Variants in ATG7 observed in about 807,000 individuals in gnomAD.
ATG7 encodes the protein ubiquitin-like modifier-activating enzyme ATG7.
In ATG7, 70 loss-of-function variants were observed where a neutral mutation model predicts 82.4. The observed-to-expected ratio is 0.85, with a 90% CI of 0.70 to 1.04. The LOEUF (loss-of-function observed/expected upper bound fraction) is 1.04, where lower values mean the gene tolerates loss of function less well. ATG7 is among the 50% of genes least tolerant of loss of function. The probability of loss-of-function intolerance (pLI) is 0.00; values close to 1 mark genes in which losing one functional copy is unlikely to be tolerated. For missense variants in ATG7, 792 were observed against 864.3 expected, an observed-to-expected ratio of 0.92 and a Z score of 1.05; for synonymous variants, 287 against 313.0, an observed-to-expected ratio of 0.92 and a Z score of 0.88.
intron 14 of ATG7, 40 bp from the exon 15 acceptor site, chr3:11,358,378 C>A (rs2076070047): frequency 1.3e-6 from 2 of 1,578,502 alleles, no homozygotes; most frequent in African/African-American, 2.7e-5. Context: ...ATTACCTATA[C>A]CATTGCTCCA....
At chr3:11,558,878 A>G (rs1373118685), downstream of ATG7, 5 of 1,591,480 alleles carry the variant, frequency 3.1e-6, no homozygotes, top group South Asian at 4.5e-5. Context: ...CTGCAGACAG[A>G]CAGGCACGGT....
chr3:11,403,252 G>C lies in ATG7; in HGVS notation c.1956+23200G>C, dbSNP rs116316383. 8.1e-3 allele frequency among the ~76,000 whole-genome samples: 1,226 copies of C among 152,230 alleles called. 8 individuals carry two copies. Among genetic ancestry groups the C allele is most frequent in the South Asian group, 0.024 (114 of 4,828 alleles). On this transcript the variant is annotated intron_variant, in intron 19 of 20. Transcript: ENST00000693202. ...TCAATCTGAGGAAGTCTTGACAAGA[G>C]TCTTTTGGAGTGCGGAGAGGAAGTC...
At chr3:11,522,380 C>G (rs926058792) in intron 20 of ATG7, among the ~76,000 whole-genome samples, 3 of 152,086 alleles carry the variant, frequency 2.0e-5, no homozygotes, top group African/African-American at 7.2e-5. Flanking sequence ...TTTCTGCTAA[C>G]TATAGGTGGG....
Position 11,410,339 on chromosome 3 carries a change from T to A in ATG7, c.1957-16465T>A, listed in dbSNP as rs1004666506. 1.5e-4 allele frequency among the ~76,000 whole-genome samples: 23 copies of A among 152,244 alleles called. No individual in the cohort carries two copies. In the Middle Eastern group the frequency reaches 0.01, roughly 68 times the overall value. On this transcript the variant is annotated intron_variant, in intron 19 of 20. Coordinates refer to ENST00000693202, the MANE Select transcript of ATG7 (RefSeq NM_001349232.2). The stretch of plus-strand genomic sequence containing the variant: ...ATGTGAATGATATTGTATTTTTTTT[T>A]AAATTAAAATTTGATAGTATTTGAA...
intron 19 of ATG7, among the ~76,000 whole-genome samples, chr3:11,406,831 T>C (rs889707371): frequency 6.6e-6 from 1 of 152,092 alleles, no homozygotes; most frequent in Non-Finnish European, 1.5e-5. Context: ...CCCACCCCCA[T>C]GATTCAATCA....
At chr3:11,528,778 A>G (rs1249171936) in intron 20 of ATG7, among the ~76,000 whole-genome samples, 1 of 144,072 alleles carries the variant, frequency 6.9e-6, no homozygotes, top group African/African-American at 2.5e-5. Flanking sequence ...GTGAGCCGAG[A>G]TGGTGCCATT....
intron 20 of ATG7, among the ~76,000 whole-genome samples, chr3:11,445,447 C>T (rs1484187602): frequency 6.6e-6 from 1 of 152,136 alleles, no homozygotes; most frequent in African/African-American, 2.4e-5. Context: ...AACCTAATAC[C>T]ATATGTTATC....
At chr3:11,415,228 G>A (rs1267367465) in intron 19 of ATG7, among the ~76,000 whole-genome samples, 2 of 152,100 alleles carry the variant, frequency 1.3e-5, no homozygotes, top group Non-Finnish European at 2.9e-5. Context: ...TTTTAAAATG[G>A]TACACCTGTG....
chr3:11,420,211 A>C, intron 19 of ATG7, among the ~76,000 whole-genome samples: 1 of 152,230 alleles, frequency 6.6e-6, no homozygotes, highest in Middle Eastern at 3.2e-3. Flanking sequence ...CACAGCACAT[A>C]AAAAGAATAC....
intron 20 of ATG7, among the ~76,000 whole-genome samples, chr3:11,453,632 A>T (rs902983849): frequency 6.6e-6 from 1 of 152,200 alleles, no homozygotes; most frequent in African/African-American, 2.4e-5. Flanking sequence ...CTCTCTTATG[A>T]GTCATCCTTC....
intron 19 of ATG7, among the ~76,000 whole-genome samples, chr3:11,410,151 G>A (rs2080759204): frequency 6.6e-6 from 1 of 152,080 alleles, no homozygotes; most frequent in Non-Finnish European, 1.5e-5. Context: ...AGGTCAAATT[G>A]GGAAAAACTT....
rs540443003 is a variant in ATG7 at position 11,284,962 on chromosome 3, T to G, written c.-11+2524T>G. ...CCCGGGTTCACGCCATTCTCCTGCC[T>G]CAGCCTCCCAAGTAGTTGGGACTAT... On this transcript the variant is annotated intron_variant, in intron 3 of 20. Transcript: ENST00000693202. Among the ~76,000 whole-genome samples, 758 of 151,308 alleles carry G rather than the reference T, an allele frequency of 5.0e-3. 5 individuals are homozygous for G. The highest frequency in any genetic ancestry group is 0.017 in the African/African-American group (700 of 41,210).
intron 20 of ATG7, among the ~76,000 whole-genome samples, chr3:11,480,533 C>A (rs1425371825): frequency 6.6e-6 from 1 of 151,996 alleles, no homozygotes; most frequent in East Asian, 1.9e-4. Flanking sequence ...ACATGACTGC[C>A]CTCCAGCCTG....
rs554356896 is a variant in ATG7, at chr3:11,513,681, A to G, written c.2080-41130A>G. On this transcript the variant is annotated intron_variant, in intron 20 of 20. Transcript: ENST00000693202. ...AGCTCCAACCTTGGCCAGCCCAGAAAGGGGCTCCCACAGTGCAGCAGTGGG... is the reference window on the plus strand; with the variant it reads ...AGCTCCAACCTTGGCCAGCCCAGAAGGGGGCTCCCACAGTGCAGCAGTGGG... Among the ~76,000 whole-genome samples the G allele has an allele frequency of 4.8e-4, 73 of 152,322 alleles. 1 individual carries two copies. Among genetic ancestry groups the G allele is most frequent in the East Asian group, 3.9e-4 (2 of 5,168 alleles).
the ATG7 span, chr3:11,564,757 C>T: frequency 6.5e-7 from 1 of 1,529,398 alleles, no homozygotes; most frequent in Non-Finnish European, 8.7e-7. Context: ...GTCCCCCAGC[C>T]CCTGGACTCC....
intron 16 of ATG7, among the ~76,000 whole-genome samples, 195 bp downstream of exon 16, chr3:11,360,979 G>A (rs770327942): frequency 4.6e-5 from 7 of 152,104 alleles, no homozygotes; most frequent in Admixed American, 2.0e-4. Flanking sequence ...CCTGTTCCTT[G>A]TTCACCAATA....
chr3:11,472,857 C>T (rs933481454), intron 20 of ATG7, among the ~76,000 whole-genome samples: 1 of 152,176 alleles, frequency 6.6e-6, no homozygotes, highest in African/African-American at 2.4e-5. Flanking sequence ...CACCGTTTTT[C>T]ATGAAATCTT....
At chr3:11,453,500 G>A (rs114864966) in intron 20 of ATG7, among the ~76,000 whole-genome samples, 197 of 152,298 alleles carry the variant, frequency 1.3e-3, no homozygotes, top group African/African-American at 4.5e-3. Flanking sequence ...GAAAAGGGTG[G>A]AGAAGTAGGC....
intron 19 of ATG7, among the ~76,000 whole-genome samples, chr3:11,386,936 GA>G (rs566034564): frequency 3.0e-4 from 45 of 152,312 alleles, no homozygotes; most frequent in African/African-American, 9.6e-4. Flanking sequence ...TCACTGCCTT[GA>G]AAAACCTTGG....
Sources: gnomAD v4.1 joint callset for allele counts (sites outside exome capture counted in the v4.1 genomes callset) on GRCh38, gnomAD v4.1.1 for gene constraint, MANE v1.5 for transcripts, NCBI Gene and HGNC (gene_info 2026-07-23, HGNC 2026-07-21) for gene names.